The following CTNNA2 variants were observed in gnomAD, a reference collection of about 807,000 sequenced individuals.
CTNNA2 encodes catenin alpha 2.
A neutral mutation model predicts 101.0 loss-of-function variants in CTNNA2; 42 were observed. The ratio of observed to expected loss-of-function variants is 0.42; its 90% CI spans 0.32 to 0.54. CTNNA2 has a LOEUF of 0.54. CTNNA2 is among the 20% of genes least tolerant of loss of function. CTNNA2 has a pLI of 0.14. For synonymous variants in CTNNA2, 450 were observed against 456.4 expected (o/e 0.99, Z 0.18); for missense variants, 871 against 1,223.1 (o/e 0.71, Z 4.29).
At chr2:80,514,149 C>G (rs1020593088) in intron 9 of CTNNA2, among the ~76,000 whole-genome samples, 22 of 152,148 alleles carry the variant, frequency 1.4e-4, no homozygotes, top group Non-Finnish European at 2.5e-4. Flanking sequence ...GAGTTTTTCT[C>G]AACCCCTTTG....
intron 3 of CTNNA2, among the ~76,000 whole-genome samples, chr2:79,323,268 A>G (rs1240908902): frequency 1.3e-5 from 2 of 152,204 alleles, no homozygotes; most frequent in Non-Finnish European, 2.9e-5. Context: ...GACTTTGTCT[A>G]AAGAGTCAAG....
At chr2:80,194,929 A>T (rs1383991392) in intron 7 of CTNNA2, among the ~76,000 whole-genome samples, 2 of 152,008 alleles carry the variant, frequency 1.3e-5, no homozygotes, top group African/African-American at 4.8e-5. Context: ...TCAGAATTCA[A>T]ATTCAAACAT....
intron 2 of CTNNA2, among the ~76,000 whole-genome samples, chr2:79,239,523 A>C (rs1297821141): frequency 1.3e-5 from 2 of 152,196 alleles, no homozygotes; most frequent in Non-Finnish European, 2.9e-5. Context: ...CCAGCTCAAA[A>C]AACAACAACA....
At chr2:79,707,560 C>T (rs1382399062) in intron 2 of CTNNA2, among the ~76,000 whole-genome samples, 1 of 152,240 alleles carries the variant, frequency 6.6e-6, no homozygotes, top group Non-Finnish European at 1.5e-5. Flanking sequence ...TTTATTACTA[C>T]ACAGAGGAGT....
intron 7 of CTNNA2, among the ~76,000 whole-genome samples, chr2:80,176,806 T>G (rs1705424078): frequency 6.6e-6 from 1 of 152,206 alleles, no homozygotes; most frequent in Non-Finnish European, 1.5e-5. Context: ...CTTCCTTTCT[T>G]CCTTTGTTGC....
intron 7 of CTNNA2, among the ~76,000 whole-genome samples, chr2:80,036,527 C>T (rs1415643791): frequency 2.6e-5 from 4 of 152,036 alleles, no homozygotes; most frequent in Non-Finnish European, 5.9e-5. Flanking sequence ...ATTGCTTGAG[C>T]CCAGAAATTC....
intron 4 of CTNNA2, among the ~76,000 whole-genome samples, chr2:79,477,584 T>A (rs1671064666): frequency 6.6e-6 from 1 of 152,242 alleles, no homozygotes; most frequent in Non-Finnish European, 1.5e-5. Context: ...TAAAACATGT[T>A]CTGCCTATTT....
At chr2:79,843,364 G>A (rs77394726) in intron 3 of CTNNA2, among the ~76,000 whole-genome samples, 2,757 of 152,276 alleles carry the variant, frequency 0.018, 62 homozygotes, top group African/African-American at 0.047. Flanking sequence ...CAGGACATCC[G>A]GTAATGGATG....
At chr2:79,855,156 C>G (rs1194565234) in intron 3 of CTNNA2, among the ~76,000 whole-genome samples, 1 of 152,130 alleles carries the variant, frequency 6.6e-6, no homozygotes, top group African/African-American at 2.4e-5. Context: ...GTTTTCCATC[C>G]AGAAAGGCAG....
intron 4 of CTNNA2, among the ~76,000 whole-genome samples, chr2:79,865,999 G>A (rs1288202919): frequency 6.6e-6 from 1 of 152,352 alleles, no homozygotes; most frequent in African/African-American, 2.4e-5. Context: ...GATTACAGGC[G>A]TGAGCCACCG....
intron 7 of CTNNA2, among the ~76,000 whole-genome samples, chr2:80,237,478 C>G (rs1709607402): frequency 6.6e-6 from 1 of 151,884 alleles, no homozygotes; most frequent in African/African-American, 2.4e-5. Flanking sequence ...TGTAAGGAAA[C>G]CTAAAGACTG....
At chr2:80,066,554 T>G (rs1324157705) in intron 7 of CTNNA2, among the ~76,000 whole-genome samples, 1 of 152,180 alleles carries the variant, frequency 6.6e-6, no homozygotes, top group Non-Finnish European at 1.5e-5. Flanking sequence ...CACCTCACAC[T>G]TTTTAGAATG....
chr2:79,494,058 GAAA>G (rs972877089), intron 4 of CTNNA2, among the ~76,000 whole-genome samples: 2 of 151,698 alleles, frequency 1.3e-5, no homozygotes, highest in African/African-American at 4.8e-5. Context: ...ATGAAATTAA[GAAA>G]AAAACTGATT....
At chr2:80,432,306 T>A (rs1185490750) in intron 9 of CTNNA2, among the ~76,000 whole-genome samples, 2 of 152,208 alleles carry the variant, frequency 1.3e-5, no homozygotes, top group African/African-American at 4.8e-5. Context: ...CAGATTTTTT[T>A]AATCATATGT....
chr2:79,916,272 T>G (rs1686195783), intron 7 of CTNNA2, among the ~76,000 whole-genome samples: 1 of 152,150 alleles, frequency 6.6e-6, no homozygotes, highest in South Asian at 2.1e-4. Flanking sequence ...AACGCAAAAT[T>G]AAGAGCTGCC....
At chr2:80,644,413 A>G (rs935496008) in intron 18 of CTNNA2, among the ~76,000 whole-genome samples, 1 of 152,174 alleles carries the variant, frequency 6.6e-6, no homozygotes, top group East Asian at 1.9e-4. Context: ...GAATGCAACT[A>G]TGTTAAATAA....
intron 9 of CTNNA2, among the ~76,000 whole-genome samples, chr2:80,535,856 A>G (rs1214965858): frequency 6.6e-6 from 1 of 152,180 alleles, no homozygotes; most frequent in African/African-American, 2.4e-5. Flanking sequence ...CTCATTTTAA[A>G]ATGATTCCAT....
At chr2:80,182,942 G>A (rs1379150111) in intron 7 of CTNNA2, among the ~76,000 whole-genome samples, 6 of 152,222 alleles carry the variant, frequency 3.9e-5, no homozygotes, top group African/African-American at 7.2e-5. Context: ...TGTGTGATTA[G>A]AAGGTGCCTT....
At chr2:79,571,531 A>G (rs1675459097) in intron 1 of CTNNA2, among the ~76,000 whole-genome samples, 1 of 152,290 alleles carries the variant, frequency 6.6e-6, no homozygotes, top group Middle Eastern at 3.4e-3. Context: ...GATAATTATC[A>G]TGCCTGGATG....
Sources: gnomAD v4.1 joint callset for allele counts (sites outside exome capture counted in the v4.1 genomes callset) on GRCh38, gnomAD v4.1.1 for gene constraint, MANE v1.5 for transcripts, NCBI Gene and HGNC (gene_info 2026-07-23, HGNC 2026-07-21) for gene names.